The following ANHX variants were observed in gnomAD, a reference collection of about 807,000 sequenced individuals.
ANHX encodes anomalous homeobox protein.
A neutral mutation model predicts 38.9 loss-of-function variants in ANHX; 20 were observed. The ratio of observed to expected loss-of-function variants is 0.51; its 90% CI spans 0.36 to 0.75. The LOEUF (loss-of-function observed/expected upper bound fraction) is 0.75. Among genes scored for constraint, ANHX ranks in the 30% least tolerant of loss-of-function variants. The pLI, the probability that ANHX is intolerant of heterozygous loss-of-function variation, is 0.00. For missense variants in ANHX, 475 were observed against 493.1 expected (o/e 0.96, Z 0.35); for synonymous variants, 185 against 203.1 (o/e 0.91, Z 0.76).
chr12:133,219,589 C>T (rs1199576252), intron 8 of ANHX, among the ~76,000 whole-genome samples: 1 of 152,064 alleles, frequency 6.6e-6, no homozygotes, highest in African/African-American at 2.4e-5. Flanking sequence ...GGCAACTGCA[C>T]AGAGGGCTCA....
At chr12:133,222,810 G>GT (rs1957129179) in intron 7 of ANHX, among the ~76,000 whole-genome samples, 1 of 152,160 alleles carries the variant, frequency 6.6e-6, no homozygotes, top group Non-Finnish European at 1.5e-5. Flanking sequence ...TTAGAGAAGT[G>GT]TAAGATATTG....
At chr12:133,228,672 G>A (rs1359496198) in intron 3 of ANHX, among the ~76,000 whole-genome samples, 1 of 152,152 alleles carries the variant, frequency 6.6e-6, no homozygotes, top group Non-Finnish European at 1.5e-5. Context: ...AATGCCTGTG[G>A]GGCCCCTGGT....
At position 133,227,092 on chromosome 12, in the gene ANHX, A is replaced by G. The variant is rs574452509; in HGVS notation, c.562T>C (p.Tyr188His). The G allele has an allele frequency of 6.5e-7, 1 of 1,536,016 alleles. No individual in the cohort carries two copies. ...GGAAGGGCTCTTTGGCGGCGCCGGT[A>G]ATTGGCAAACCAGTTGTACACCTGC... ...PEQVYNWFANYRRRQRALPQH... is the reference protein window; with the variant it reads ...PEQVYNWFANHRRRQRALPQH... Residue 188 changes from tyrosine (Y) to histidine (H), a missense_variant, in exon 5 of 10, where the codon TAC (tyrosine) becomes CAC (histidine). By Grantham distance (83) the Tyr-to-His change is moderately conservative. Coordinates refer to ENST00000545940, the MANE Select transcript of ANHX (RefSeq NM_001372060.1).
At chr12:133,227,241 C>G in intron 4 of ANHX, 89 bp from the exon 5 acceptor site, 1 of 1,374,294 alleles carries the variant, frequency 7.3e-7, no homozygotes, top group Admixed American at 2.4e-5. Context: ...TCATTTACAC[C>G]AAGAAAGGGG....
Position 133,219,273 on chromosome 12 carries a change from G to A in ANHX, c.1365+10C>T, listed in dbSNP as rs1293619240. ...GAGGGAATCCTTCAGTGCTCATAGG[G>A]AAGCCTCACCTGGCTGGAGGGCAGG... is the stretch of plus-strand genomic sequence containing the variant. On this transcript the variant is annotated intron_variant, in intron 9 of 9. Transcript: ENST00000545940. The A allele has an allele frequency of 4.6e-6, 7 of 1,533,388 alleles. No homozygotes were observed. Among genetic ancestry groups the A allele is most frequent in the Non-Finnish European group, 6.1e-6 (7 of 1,145,452 alleles). The allele number at this position is 1,533,388 out of a possible 1,614,324, so 95.0% of individuals were successfully genotyped here.
chr12:133,221,082 C>T lies in ANHX; in HGVS notation c.1280+123G>A. The T allele has an allele frequency of 7.8e-7, 1 of 1,280,358 alleles. No individual in the cohort carries two copies. Among genetic ancestry groups the T allele is most frequent in the Non-Finnish European group, 1.0e-6 (1 of 963,884 alleles). The allele number at this position is 1,280,358 out of a possible 1,614,324, so 79.3% of individuals were successfully genotyped here. Reference sequence around the variant, plus strand: ...GGCTTGTGGGGACTGTTACAGTTTTCAGCAATCCAAAGGAGAGGACCCTAT... The same window carrying T: ...GGCTTGTGGGGACTGTTACAGTTTTTAGCAATCCAAAGGAGAGGACCCTAT... On this transcript the variant is annotated intron_variant, in intron 8 of 9. Transcript: ENST00000545940. The surrounding 1 kb of genome is among the most constrained non-coding windows in gnomAD (Gnocchi z 4.1).
In ANHX at chr12:133,227,911, C is replaced by G; in HGVS notation, c.414G>C (p.Leu138=). The part of the protein sequence containing the change: ...PPPPSLCPEG[L]KSRNFPREVR... ...CCTCTCTGGGGAAGTTCCGGCTCTT[C>G]AGCCCCTCTGGGCAGAGGGAGGGGG... The change falls in exon 4 of 10, where the codon CTG becomes CTC. Residue 138 remains leucine (L), a synonymous_variant. Coordinates refer to ENST00000545940, the MANE Select transcript of ANHX (RefSeq NM_001372060.1). The G allele has an allele frequency of 2.0e-6, 3 of 1,530,636 alleles. No individual in the cohort carries two copies. In the East Asian group the frequency reaches 7.4e-5, roughly 38 times the overall value. 94.8% of individuals were successfully genotyped at this position (1,530,636 alleles called of 1,614,324 possible).
intron 2 of ANHX, among the ~76,000 whole-genome samples, chr12:133,232,651 C>T (rs1957299564): frequency 6.6e-6 from 1 of 152,218 alleles, no homozygotes; most frequent in South Asian, 2.1e-4. Flanking sequence ...GTCACCTCCT[C>T]AGACGTACCT....
chr12:133,232,092 G>A (rs950037278), intron 2 of ANHX, among the ~76,000 whole-genome samples: 8 of 152,170 alleles, frequency 5.3e-5, no homozygotes, highest in South Asian at 4.1e-4. Flanking sequence ...CACATGGTGC[G>A]ATTTGAGGGC....
intron 2 of ANHX, among the ~76,000 whole-genome samples, chr12:133,233,813 A>T (rs1173597654): frequency 6.6e-6 from 1 of 152,170 alleles, no homozygotes; most frequent in Non-Finnish European, 1.5e-5. Flanking sequence ...ACAGGACTGC[A>T]TTTTATTCAC....
At position 133,230,837 on chromosome 12, in the gene ANHX, C is replaced by A. The variant is rs191904727; in HGVS notation, c.377+680G>T. 4.1e-4 allele frequency among the ~76,000 whole-genome samples: 63 copies of A among 152,196 alleles called. No individual in the cohort carries two copies. In the East Asian group the frequency reaches 4.4e-3, roughly 11 times the overall value. ...CTTTGCAACTCTCTCTCGTGTGGAA[C>A]CTCAGGTTACCCTTTCTGTGCCTCC... On this transcript the variant is annotated intron_variant, in intron 3 of 9. Transcript: ENST00000545940.
chr12:133,234,430 G>A, intron 1 of ANHX, 52 bp from the exon 2 acceptor site: 2 of 1,483,776 alleles, frequency 1.3e-6, no homozygotes, highest in Non-Finnish European at 1.8e-6. Context: ...CGTCCTTTCT[G>A]TCAGTCAATC....
At chr12:133,224,960 C>T (rs1460120301) in intron 7 of ANHX, among the ~76,000 whole-genome samples, 3 of 115,652 alleles carry the variant, frequency 2.6e-5, no homozygotes, top group Non-Finnish European at 3.6e-5. Context: ...AAGACTCCGT[C>T]TCAAAAAAAA....
intron 5 of ANHX, 60 bp downstream of exon 5, chr12:133,226,876 G>C: frequency 7.0e-7 from 1 of 1,427,356 alleles, no homozygotes; most frequent in Non-Finnish European, 9.2e-7. Flanking sequence ...ACCTAGGCCT[G>C]GCCCTTGTCA....
intron 3 of ANHX, among the ~76,000 whole-genome samples, chr12:133,229,841 C>G (rs1327079157): frequency 1.3e-5 from 2 of 152,178 alleles, no homozygotes; most frequent in Admixed American, 6.5e-5. Flanking sequence ...CCAACACCTG[C>G]TTTTACATTT....
intron 8 of ANHX, among the ~76,000 whole-genome samples, chr12:133,220,323 G>A (rs750328331): frequency 6.6e-6 from 1 of 152,176 alleles, no homozygotes; most frequent in African/African-American, 2.4e-5. Flanking sequence ...AGAAGGGGTC[G>A]AGATGGCCAT....
chr12:133,234,172 G>A lies in ANHX; in HGVS notation c.185C>T (p.Ala62Val). The A allele has an allele frequency of 6.5e-7, 1 of 1,536,182 alleles. No homozygotes were observed. Among genetic ancestry groups the A allele is most frequent in the South Asian group, 1.2e-5 (1 of 84,066 alleles). Residue 62 changes from alanine to valine, a missense_variant, in exon 2 of 10, where the codon GCC becomes GTC. Ala to Val is a moderately conservative substitution (Grantham distance 64). Coordinates refer to ENST00000545940, the MANE Select transcript of ANHX (RefSeq NM_001372060.1). ...RLHLLDNADV[A>V]LACARVLDQQ... ...GTCCAGGACACGGGCGCACGCCAGGGCCACATCTGCGTTGTCCAGGAGATG... is the reference window on the plus strand; with the variant it reads ...GTCCAGGACACGGGCGCACGCCAGGACCACATCTGCGTTGTCCAGGAGATG...
intron 3 of ANHX, among the ~76,000 whole-genome samples, chr12:133,229,992 G>C (rs577242310): frequency 1.3e-5 from 2 of 152,118 alleles, no homozygotes; most frequent in African/African-American, 4.8e-5. Flanking sequence ...CCATACTCAA[G>C]ACTCTCCTCC....
chr12:133,222,269 A>G (rs1957118109), intron 7 of ANHX, among the ~76,000 whole-genome samples: 1 of 152,210 alleles, frequency 6.6e-6, no homozygotes, highest in Admixed American at 6.5e-5. Context: ...AGAAAGGGAA[A>G]GCCATGAGCA....
Sources: gnomAD v4.1 joint callset for allele counts (sites outside exome capture counted in the v4.1 genomes callset) on GRCh38, gnomAD v4.1.1 for gene constraint, Gnocchi (gnomAD v3.1) non-coding constraint, MANE v1.5 for transcripts, NCBI Gene and HGNC (gene_info 2026-07-23, HGNC 2026-07-21) for gene names.